Variants in NWD2 observed in about 807,000 individuals in gnomAD.
The protein encoded by NWD2 is NACHT and WD repeat domain containing 2.
In NWD2, 37 loss-of-function variants were observed where a neutral mutation model predicts 132.7. The ratio of observed to expected loss-of-function variants is 0.28; its 90% CI spans 0.21 to 0.37. NWD2 has a LOEUF of 0.37. Ranked by LOEUF, NWD2 falls within the 10% of genes least tolerant of loss-of-function variation. NWD2 has a pLI of 1.00. For synonymous variants in NWD2, 705 were observed against 803.0 expected (o/e 0.88, Z 2.06); for missense variants, 1,592 against 2,122.4 (o/e 0.75, Z 4.91).
At chr4:37,341,174 C>T (rs935234676) in intron 2 of NWD2, among the ~76,000 whole-genome samples, 1 of 152,216 alleles carries the variant, frequency 6.6e-6, no homozygotes, top group African/African-American at 2.4e-5. Context: ...CTTTGAATTA[C>T]ATGAGATACT....
intron 1 of NWD2, among the ~76,000 whole-genome samples, chr4:37,281,463 T>C (rs60732863): frequency 0.16 from 24,871 of 151,972 alleles, 2,558 homozygotes; most frequent in South Asian, 0.32. Flanking sequence ...AGGAAAGAGA[T>C]CCTTAAGCCA....
chr4:37,447,076 C>T lies in NWD2; in HGVS notation c.5088C>T (p.Val1696=), dbSNP rs1211645098. 1 of 1,551,636 alleles carries T rather than the reference C, an allele frequency of 6.4e-7. No homozygotes were observed. Among genetic ancestry groups the T allele is most frequent in the South Asian group, 1.2e-5 (1 of 84,060 alleles). Residue 1696 remains valine, a synonymous_variant, in exon 7 of 7, where the codon GTC becomes GTT. Transcript: ENST00000309447. The part of the protein sequence containing the change: ...VDCLWRESTE[V]FARDSPITVS... Reference sequence around the variant, plus strand: ...GCTTATGGAGAGAGTCCACTGAGGTCTTTGCAAGAGACAGCCCCATCACAG... The same window carrying T: ...GCTTATGGAGAGAGTCCACTGAGGTTTTTGCAAGAGACAGCCCCATCACAG...
chr4:37,365,184 A>T (rs867936205), intron 3 of NWD2, among the ~76,000 whole-genome samples: 3 of 152,250 alleles, frequency 2.0e-5, no homozygotes, highest in Non-Finnish European at 4.4e-5. Context: ...TGAAATAATT[A>T]CAGTATTTTT....
intron 1 of NWD2, among the ~76,000 whole-genome samples, chr4:37,286,198 C>T (rs575120384): frequency 2.0e-5 from 3 of 152,288 alleles, no homozygotes; most frequent in Admixed American, 6.5e-5. Context: ...TAATCATTTT[C>T]GGTGTTTTAA....
At chr4:37,259,926 C>A (rs747630347) in intron 1 of NWD2, among the ~76,000 whole-genome samples, 1 of 152,204 alleles carries the variant, frequency 6.6e-6, no homozygotes, top group Non-Finnish European at 1.5e-5. Flanking sequence ...GTTTTAAATT[C>A]CCATGCCTTT....
chr4:37,377,486 C>T (rs1320504989), intron 3 of NWD2, among the ~76,000 whole-genome samples: 1 of 152,126 alleles, frequency 6.6e-6, no homozygotes, highest in Non-Finnish European at 1.5e-5. Context: ...AATCCCAGCA[C>T]TTTGGGAGGC....
intron 5 of NWD2, among the ~76,000 whole-genome samples, chr4:37,436,827 T>G (rs1211409345): frequency 1.3e-5 from 2 of 152,144 alleles, no homozygotes; most frequent in Non-Finnish European, 2.9e-5. Context: ...TTATCTACAT[T>G]ATAACAAGTT....
intron 1 of NWD2, among the ~76,000 whole-genome samples, chr4:37,304,475 A>G (rs1371996903): frequency 6.6e-6 from 1 of 152,222 alleles, no homozygotes; most frequent in Non-Finnish European, 1.5e-5. Context: ...ATGTCTGAGT[A>G]CAAACTCTGA....
rs185196901 is a variant in NWD2, at chr4:37,334,614, A to G, written c.240+8590A>G. Among the ~76,000 whole-genome samples the G allele has an allele frequency of 5.3e-5, 8 of 152,314 alleles. No individual in the cohort carries two copies. In the East Asian group the frequency reaches 1.5e-3, roughly 29 times the overall value. On this transcript the variant is annotated intron_variant, in intron 2 of 6. Coordinates refer to ENST00000309447, the MANE Select transcript of NWD2 (RefSeq NM_001144990.2). ...CTCTGAACTCATAAATCTGTCCCAC[A>G]TGGGCCGCTGGTACACTGAGCCAAG...
At chr4:37,419,334 G>A (rs1414281968) in intron 3 of NWD2, among the ~76,000 whole-genome samples, 1 of 152,190 alleles carries the variant, frequency 6.6e-6, no homozygotes, top group Admixed American at 6.5e-5. Context: ...CAGGACATAG[G>A]CATGGGCAAA....
chr4:37,433,202 C>T (rs1284283627), intron 4 of NWD2, among the ~76,000 whole-genome samples: 2 of 152,080 alleles, frequency 1.3e-5, no homozygotes, highest in African/African-American at 4.8e-5. Context: ...GTTAAAGATG[C>T]CAGGAGTAAA....
At chr4:37,389,077 A>G (rs557841494) in intron 3 of NWD2, among the ~76,000 whole-genome samples, 86 of 152,340 alleles carry the variant, frequency 5.6e-4, no homozygotes, top group Non-Finnish European at 1.1e-3. Context: ...CAGATGATCA[A>G]GAAACACCCC....
chr4:37,446,606 A>G lies in NWD2; in HGVS notation c.4618A>G (p.Ile1540Val), dbSNP rs773679347. Residue 1540 changes from isoleucine (I) to valine (V), a missense_variant, in exon 7 of 7, where the codon ATT (isoleucine) becomes GTT (valine). By Grantham distance (29) the Ile-to-Val change is conservative. Around this residue, in one of 7 missense-constraint regions of NWD2, gnomAD observed 257 missense variants for 335.0 expected, o/e 0.77. Transcript: ENST00000309447. The surrounding 1 kb of genome is among the most constrained non-coding windows in gnomAD (Gnocchi z 6.7). ...FEISPNGKLGIIARGDENINV... is the reference protein window; with the variant it reads ...FEISPNGKLGVIARGDENINV... ...AATTTCTCCCAATGGAAAGCTAGGC[A>G]TTATAGCCAGGGGAGATGAAAACAT... is the stretch of plus-strand genomic sequence containing the variant. 1.3e-6 allele frequency: 2 copies of G among 1,551,736 alleles called. No homozygotes were observed. The highest frequency in any genetic ancestry group is 1.2e-5 in the South Asian group (1 of 84,058).
intron 1 of NWD2, among the ~76,000 whole-genome samples, chr4:37,281,687 T>G (rs767782813): frequency 6.6e-6 from 1 of 152,140 alleles, no homozygotes; most frequent in Non-Finnish European, 1.5e-5. Context: ...GGTCACACCA[T>G]AAGTAAGTCG....
chr4:37,362,528 C>T (rs1720001185), intron 3 of NWD2, among the ~76,000 whole-genome samples: 1 of 152,102 alleles, frequency 6.6e-6, no homozygotes, highest in Admixed American at 6.6e-5. Context: ...CACCTACAGC[C>T]ATCTGACCTT....
At chr4:37,321,356 C>T (rs1205347241) in intron 1 of NWD2, among the ~76,000 whole-genome samples, 1 of 152,214 alleles carries the variant, frequency 6.6e-6, no homozygotes, top group African/African-American at 2.4e-5. Context: ...TCTCCCCCAA[C>T]TAATGTACTT....
In NWD2 at chr4:37,282,534, AGTCAGTCT is replaced by A. The variant is rs531374341; in HGVS notation, c.151+37318_151+37325del. On this transcript the variant is annotated intron_variant, in intron 1 of 6. Coordinates refer to ENST00000309447, the MANE Select transcript of NWD2 (RefSeq NM_001144990.2). Reference sequence around the variant, plus strand: ...AGTAAATCAGATCCATTGACCTTCCAGTCAGTCTGAATCCTTGCACAATTTGAGTTGTA... The same window carrying A: ...AGTAAATCAGATCCATTGACCTTCCAGAATCCTTGCACAATTTGAGTTGTA... Among the ~76,000 whole-genome samples the A allele has an allele frequency of 4.4e-3, 669 of 152,336 alleles. 5 individuals carry two copies. Among genetic ancestry groups the A allele is most frequent in the African/African-American group, 0.015 (643 of 41,574 alleles).
At position 37,443,699 on chromosome 4, in the gene NWD2, C is replaced by A. The variant is rs1207008481; in HGVS notation, c.1711C>A (p.Pro571Thr). The A allele has an allele frequency of 2.6e-6, 4 of 1,551,928 alleles. No individual in the cohort carries two copies. The highest frequency in any genetic ancestry group is 2.0e-5 in the Admixed American group (1 of 50,984). ...HEEDNYIELIPRDRKMCSQVL... is the reference protein window; with the variant it reads ...HEEDNYIELITRDRKMCSQVL... Reference sequence around the variant, plus strand: ...AGAAGACAACTACATCGAGCTGATTCCCCGAGACAGGAAGATGTGCAGCCA... The same window carrying A: ...AGAAGACAACTACATCGAGCTGATTACCCGAGACAGGAAGATGTGCAGCCA... Residue 571 changes from proline to threonine, a missense_variant, in exon 7 of 7, where the codon CCC becomes ACC. Pro to Thr is a conservative substitution (Grantham distance 38). This residue lies in a region of NWD2 where 1,071 missense variants were observed against 1,398.0 expected (regional missense o/e 0.77). Coordinates refer to ENST00000309447, the MANE Select transcript of NWD2 (RefSeq NM_001144990.2). This position sits in a 1 kb window ranked among gnomAD's most constrained non-coding sequence, Gnocchi z 4.1.
intron 3 of NWD2, among the ~76,000 whole-genome samples, chr4:37,411,752 C>T (rs907182883): frequency 5.3e-5 from 8 of 152,098 alleles, no homozygotes; most frequent in Admixed American, 6.5e-5. Flanking sequence ...ACTGGCAAAC[C>T]AAATCCAGCA....
Sources: gnomAD v4.1 joint callset for allele counts (sites outside exome capture counted in the v4.1 genomes callset) on GRCh38, gnomAD v4.1.1 for gene constraint, gnomAD v4.1.1 regional missense constraint, Gnocchi (gnomAD v3.1) non-coding constraint, MANE v1.5 for transcripts, NCBI Gene and HGNC (gene_info 2026-07-23, HGNC 2026-07-21) for gene names.